The following PPM1H variants were observed in gnomAD, a reference collection of about 807,000 sequenced individuals.
PPM1H encodes the protein protein phosphatase, Mg2+/Mn2+ dependent 1H.
PPM1H carries 27 observed loss-of-function variants against 54.9 expected under a neutral mutation model. That is an observed-to-expected ratio of 0.49 (90% CI 0.36 to 0.68). The LOEUF (loss-of-function observed/expected upper bound fraction) is 0.68. Ranked by LOEUF, PPM1H falls within the 30% of genes least tolerant of loss-of-function variation. PPM1H has a pLI of 0.00. For synonymous variants in PPM1H, 305 were observed against 270.8 expected (o/e 1.13, Z -1.24); for missense variants, 596 against 667.8 (o/e 0.89, Z 1.19).
intron 1 of PPM1H, among the ~76,000 whole-genome samples, chr12:62,913,710 T>C (rs1162381827): frequency 6.6e-6 from 1 of 152,168 alleles, no homozygotes; most frequent in Admixed American, 6.5e-5. Flanking sequence ...TGGGGGGTTC[T>C]TTTTTGGTGG....
chr12:62,708,866 C>A (rs572180547), intron 6 of PPM1H, among the ~76,000 whole-genome samples: 6 of 152,116 alleles, frequency 3.9e-5, no homozygotes, highest in African/African-American at 1.2e-4. Flanking sequence ...TCAGCTCACA[C>A]CCCCTCCCTC....
chr12:62,679,399 T>C (rs2076006404), intron 8 of PPM1H, among the ~76,000 whole-genome samples: 1 of 152,048 alleles, frequency 6.6e-6, no homozygotes, highest in African/African-American at 2.4e-5. Context: ...CACAGAAGTA[T>C]GAGATATTAC....
Position 62,934,668 on chromosome 12 carries a change from G to C in PPM1H, c.69C>G (p.Ser23=), listed in dbSNP as rs369944241. ...MGGIMAGSSG[S]EHGGGSCGGS... ...CTCCGCAGCTGCCGCCGCCGTGCTC[G>C]GAGCCTGAGCTGCCAGCCATGATGC... The change falls in exon 1 of 10, where the codon TCC becomes TCG. Residue 23 remains serine (S), a synonymous_variant. Transcript: ENST00000228705. The surrounding 1 kb of genome is among the most constrained non-coding windows in gnomAD (Gnocchi z 4.2). 1.2e-6 allele frequency: 2 copies of C among 1,604,572 alleles called. No homozygotes were observed. Among genetic ancestry groups the C allele is most frequent in the Non-Finnish European group, 1.7e-6 (2 of 1,176,738 alleles).
chr12:62,801,588 G>A (rs1282608574), intron 3 of PPM1H, among the ~76,000 whole-genome samples: 5 of 152,132 alleles, frequency 3.3e-5, no homozygotes, highest in East Asian at 1.9e-4. Flanking sequence ...TTTCAAGCGT[G>A]AGCCACCGCA....
At chr12:62,671,935 T>C (rs184495978) in intron 8 of PPM1H, among the ~76,000 whole-genome samples, 31 of 152,356 alleles carry the variant, frequency 2.0e-4, no homozygotes, top group African/African-American at 7.0e-4. Flanking sequence ...TGCTTTACTG[T>C]GGGTAAATCT....
chr12:62,780,589 A>T (rs2076636303), intron 4 of PPM1H, among the ~76,000 whole-genome samples: 1 of 152,194 alleles, frequency 6.6e-6, no homozygotes, highest in South Asian at 2.1e-4. Flanking sequence ...TACAGACATG[A>T]GCCACCGTAA....
intron 2 of PPM1H, among the ~76,000 whole-genome samples, chr12:62,805,483 G>A (rs1277971947): frequency 6.6e-6 from 1 of 152,128 alleles, no homozygotes; most frequent in African/African-American, 2.4e-5. Context: ...AAAATGTGGT[G>A]TATATTATTT....
intron 1 of PPM1H, among the ~76,000 whole-genome samples, chr12:62,846,712 C>A (rs1868984999): frequency 6.6e-6 from 1 of 152,082 alleles, no homozygotes; most frequent in African/African-American, 2.4e-5. Flanking sequence ...CCTGCAATGA[C>A]CTAACCTCCT....
At chr12:62,824,498 C>T (rs1480880895) in intron 2 of PPM1H, among the ~76,000 whole-genome samples, 14 of 152,202 alleles carry the variant, frequency 9.2e-5, no homozygotes, top group African/African-American at 2.9e-4. Flanking sequence ...TGACTTCAAA[C>T]TATACTACAA....
intron 6 of PPM1H, among the ~76,000 whole-genome samples, chr12:62,695,449 T>C (rs1361750002): frequency 6.6e-6 from 1 of 152,154 alleles, no homozygotes; most frequent in East Asian, 1.9e-4. Flanking sequence ...GCACTGTGCC[T>C]GGCAAAACAA....
At chr12:62,868,336 G>A (rs894583901) in intron 1 of PPM1H, among the ~76,000 whole-genome samples, 3 of 149,016 alleles carry the variant, frequency 2.0e-5, no homozygotes, top group Non-Finnish European at 4.5e-5. Context: ...CGTGTAGGTC[G>A]CAAGCTGGAG....
At chr12:62,677,730 G>A (rs937148093) in intron 8 of PPM1H, among the ~76,000 whole-genome samples, 23 of 152,320 alleles carry the variant, frequency 1.5e-4, no homozygotes, top group South Asian at 6.2e-4. Flanking sequence ...CAGGCCCAGC[G>A]GGCCCAAGCA....
chr12:62,871,890 A>G (rs993470823), intron 1 of PPM1H, among the ~76,000 whole-genome samples: 13 of 152,188 alleles, frequency 8.5e-5, no homozygotes, highest in South Asian at 2.1e-4. Flanking sequence ...AACAAAAAAG[A>G]ACACATGGAT....
intron 9 of PPM1H, among the ~76,000 whole-genome samples, chr12:62,650,821 C>T (rs1001143569): frequency 1.3e-5 from 2 of 152,060 alleles, no homozygotes; most frequent in African/African-American, 2.4e-5. Flanking sequence ...AACTCGGTCC[C>T]CATGATCTAA....
intron 2 of PPM1H, among the ~76,000 whole-genome samples, chr12:62,816,223 C>T (rs1358521977): frequency 6.6e-6 from 1 of 152,198 alleles, no homozygotes; most frequent in East Asian, 1.9e-4. Context: ...GAATCAAGAT[C>T]TACACTTTCT....
intron 5 of PPM1H, among the ~76,000 whole-genome samples, chr12:62,736,931 C>T (rs895587058): frequency 6.6e-6 from 1 of 152,180 alleles, no homozygotes; most frequent in Non-Finnish European, 1.5e-5. Flanking sequence ...ACTGAGCCCG[C>T]TCATAATTTC....
At chr12:62,801,469 C>T (rs2076768933) in intron 3 of PPM1H, among the ~76,000 whole-genome samples, 1 of 152,202 alleles carries the variant, frequency 6.6e-6, no homozygotes, top group African/African-American at 2.4e-5. Context: ...AGGCAACGGC[C>T]ATCATGCCCG....
At chr12:62,665,508 C>T (rs2075912887) in intron 9 of PPM1H, among the ~76,000 whole-genome samples, 1 of 152,178 alleles carries the variant, frequency 6.6e-6, no homozygotes, top group Non-Finnish European at 1.5e-5. Context: ...TTTTTAGTCT[C>T]TTAATCTCAT....
At chr12:62,900,531 GTAA>G (rs57828355) in intron 1 of PPM1H, among the ~76,000 whole-genome samples, 10 of 142,632 alleles carry the variant, frequency 7.0e-5, no homozygotes, top group African/African-American at 1.3e-4. Context: ...AACTTAAAAT[GTAA>G]TAATAATAAT....
Sources: gnomAD v4.1 joint callset for allele counts (sites outside exome capture counted in the v4.1 genomes callset) on GRCh38, gnomAD v4.1.1 for gene constraint, Gnocchi (gnomAD v3.1) non-coding constraint, MANE v1.5 for transcripts, NCBI Gene and HGNC (gene_info 2026-07-23, HGNC 2026-07-21) for gene names.